The following NOX4 variants were observed in gnomAD, a reference collection of about 807,000 sequenced individuals.
NOX4 encodes the protein NADPH oxidase 4, also known as kidney oxidase-1.
In NOX4, 69 loss-of-function variants were observed where a neutral mutation model predicts 87.6. The observed-to-expected ratio is 0.79, with a 90% CI of 0.65 to 0.96. NOX4 has a LOEUF of 0.96. NOX4 is among the 40% of genes least tolerant of loss of function. The probability of loss-of-function intolerance (pLI) is 0.00; values close to 1 mark genes in which losing one functional copy is unlikely to be tolerated. For synonymous variants in NOX4, 275 were observed against 238.2 expected (o/e 1.15, Z -1.42); for missense variants, 680 against 681.5 (o/e 1.00, Z 0.02).
chr11:89,401,380 A>G (rs1433517928), intron 9 of NOX4, among the ~76,000 whole-genome samples: 1 of 152,052 alleles, frequency 6.6e-6, no homozygotes, highest in Non-Finnish European at 1.5e-5. Flanking sequence ...ATTATGTGAA[A>G]CTCAGAAAAG....
intron 7 of NOX4, among the ~76,000 whole-genome samples, chr11:89,424,015 T>C (rs1313410315): frequency 1.3e-5 from 2 of 151,950 alleles, no homozygotes; most frequent in Non-Finnish European, 2.9e-5. Context: ...TGCGGCTGCA[T>C]TGAGCTGTAA....
chr11:89,331,336 A>G (rs1490015380), intron 17 of NOX4, among the ~76,000 whole-genome samples: 1 of 151,962 alleles, frequency 6.6e-6, no homozygotes, highest in Admixed American at 6.6e-5. Context: ...AGTGGTGTTT[A>G]GAGGAAAATG....
chr11:89,355,469 T>C (rs182439904), intron 12 of NOX4, among the ~76,000 whole-genome samples: 201 of 151,446 alleles, frequency 1.3e-3, no homozygotes, highest in African/African-American at 4.7e-3. Flanking sequence ...TTTTCCTTAA[T>C]GGTAACATAT....
At chr11:89,363,905 A>C (rs1376067669) in intron 12 of NOX4, among the ~76,000 whole-genome samples, 3 of 152,150 alleles carry the variant, frequency 2.0e-5, no homozygotes, top group African/African-American at 4.8e-5. Context: ...GTTTCAGATA[A>C]ACATGAGAGG....
At chr11:89,406,936 G>A (rs1839610143) in intron 8 of NOX4, among the ~76,000 whole-genome samples, 2 of 152,024 alleles carry the variant, frequency 1.3e-5, no homozygotes, top group Non-Finnish European at 2.9e-5. Context: ...GCAGCTGAAG[G>A]ATGTAGAGAT....
chr11:89,359,546 A>G (rs1938353344), intron 12 of NOX4, among the ~76,000 whole-genome samples: 1 of 151,988 alleles, frequency 6.6e-6, no homozygotes, highest in South Asian at 2.1e-4. Flanking sequence ...AAAAATATAT[A>G]AAAAACAAAA....
chr11:89,344,381 T>G (rs1380365139), intron 13 of NOX4, among the ~76,000 whole-genome samples: 2 of 151,866 alleles, frequency 1.3e-5, no homozygotes, highest in East Asian at 3.9e-4. Flanking sequence ...AGCAACAAAA[T>G]GAGACCCTTG....
At chr11:89,581,370 G>T in the NOX4 span, among the ~76,000 whole-genome samples, 1 of 152,118 alleles carries the variant, frequency 6.6e-6, no homozygotes, top group African/African-American at 2.4e-5. Flanking sequence ...AGATTCTCAA[G>T]GACAGATGTC....
chr11:89,461,748 G>A (rs1005536685), intron 2 of NOX4, among the ~76,000 whole-genome samples: 1 of 152,074 alleles, frequency 6.6e-6, no homozygotes, highest in African/African-American at 2.4e-5. Context: ...TCTCATTACA[G>A]AACATCTTAT....
At chr11:89,571,384 C>T in the NOX4 span, among the ~76,000 whole-genome samples, 1 of 151,932 alleles carries the variant, frequency 6.6e-6, no homozygotes, top group South Asian at 2.1e-4. Flanking sequence ...CCAACCTCCG[C>T]CTCCTGGGTT....
chr11:89,438,824 AATATCTTATATAT>A (rs1944275262), intron 6 of NOX4, among the ~76,000 whole-genome samples: 8 of 48,040 alleles, frequency 1.7e-4, no homozygotes, highest in African/African-American at 1.5e-3. Flanking sequence ...TATATTATAT[AATATCTTATATAT>A]TATATATATT....
At chr11:89,404,321 C>T (rs1468376256) in intron 8 of NOX4, among the ~76,000 whole-genome samples, 1 of 152,098 alleles carries the variant, frequency 6.6e-6, no homozygotes, top group Non-Finnish European at 1.5e-5. Flanking sequence ...ATTCTACTGG[C>T]CAAAAGTTGA....
At chr11:89,431,153 T>G (rs182598836) in intron 7 of NOX4, among the ~76,000 whole-genome samples, 1 of 152,336 alleles carries the variant, frequency 6.6e-6, no homozygotes, top group Non-Finnish European at 1.5e-5. Context: ...GCTAGTTGTA[T>G]GTAGAAAGCT....
chr11:89,539,276 T>C, the NOX4 span, among the ~76,000 whole-genome samples: 1 of 151,752 alleles, frequency 6.6e-6, no homozygotes, highest in African/African-American at 2.4e-5. Flanking sequence ...TACTAAAAAA[T>C]ACAAAATTAT....
intron 2 of NOX4, among the ~76,000 whole-genome samples, chr11:89,464,389 A>T (rs1258934648): frequency 6.6e-6 from 1 of 152,176 alleles, no homozygotes; most frequent in African/African-American, 2.4e-5. Flanking sequence ...TTCAGAGTAC[A>T]AAAGGTTCTC....
chr11:89,415,554 T>C (rs1371633626), intron 8 of NOX4, among the ~76,000 whole-genome samples: 4 of 152,120 alleles, frequency 2.6e-5, no homozygotes, highest in Admixed American at 2.6e-4. Context: ...GAGAAACTTG[T>C]TTTATACAAA....
chr11:89,327,535 C>T (rs1421642383), intron 17 of NOX4, among the ~76,000 whole-genome samples: 3 of 151,934 alleles, frequency 2.0e-5, no homozygotes, highest in African/African-American at 4.8e-5. Context: ...TTAAATAATA[C>T]GTATCTCTAA....
chr11:89,455,719 C>CATATATATATATATATATATATATAT (rs60864771), intron 2 of NOX4, among the ~76,000 whole-genome samples: 5 of 141,034 alleles, frequency 3.5e-5, no homozygotes, highest in African/African-American at 1.3e-4. Context: ...AAGATGAAGT[C>CATATATATATATATATATATATATAT]ATATATATAT....
At chr11:89,490,711 C>G (rs1190565887) in intron 1 of NOX4, 158 bp from the exon 2 acceptor site, 1 of 710,492 alleles carries the variant, frequency 1.4e-6, no homozygotes, top group Non-Finnish European at 2.6e-6. Flanking sequence ...AGCTGAAAAC[C>G]ACTCAGAGGA....
Sources: gnomAD v4.1 joint callset for allele counts (sites outside exome capture counted in the v4.1 genomes callset) on GRCh38, gnomAD v4.1.1 for gene constraint, MANE v1.5 for transcripts, NCBI Gene and HGNC (gene_info 2026-07-23, HGNC 2026-07-21) for gene names.